Variants in NXPE2 observed in about 807,000 individuals in gnomAD.
NXPE2 encodes neurexophilin and PC-esterase domain family member 2, also known as NXPE family member 2.
Under a neutral mutation model 34.4 loss-of-function variants are expected in NXPE2, and 34 were observed. The ratio of observed to expected loss-of-function variants is 0.99; its 90% confidence interval spans 0.75 to 1.31. The LOEUF is 1.31. NXPE2 is among the 40% of genes most tolerant of loss of function. The pLI, the probability that NXPE2 is intolerant of heterozygous loss-of-function variation, is 0.00. For synonymous variants in NXPE2, 235 were observed against 231.3 expected (o/e 1.02, Z -0.15); for missense variants, 649 against 672.5 (o/e 0.97, Z 0.39).
the NXPE2 span, among the ~76,000 whole-genome samples, chr11:114,601,813 AATT>A: frequency 1.4e-5 from 1 of 73,396 alleles, no homozygotes; most frequent in Non-Finnish European, 2.3e-5. Flanking sequence ...TATATTATAT[AATT>A]ATATATAATA....
At chr11:114,523,022 T>C in the NXPE2 span, 1 of 1,613,612 alleles carries the variant, frequency 6.2e-7, no homozygotes, top group South Asian at 1.1e-5. Flanking sequence ...CCATTTTCCT[T>C]GTAAAGTATA....
the NXPE2 span, among the ~76,000 whole-genome samples, chr11:114,673,519 C>A: frequency 6.6e-6 from 1 of 151,434 alleles, no homozygotes; most frequent in Non-Finnish European, 1.5e-5. Flanking sequence ...ACAGAAAAAT[C>A]ATTGAAACCA....
chr11:114,600,642 T>A, the NXPE2 span, among the ~76,000 whole-genome samples: 1 of 152,072 alleles, frequency 6.6e-6, no homozygotes, highest in Admixed American at 6.6e-5. Flanking sequence ...ACATGATGAC[T>A]AAATGCAATT....
chr11:114,779,104 T>C, the NXPE2 span, among the ~76,000 whole-genome samples: 1 of 152,250 alleles, frequency 6.6e-6, no homozygotes, highest in Non-Finnish European at 1.5e-5. Flanking sequence ...TTAAGTTACA[T>C]GGCAATTTCC....
the NXPE2 span, among the ~76,000 whole-genome samples, chr11:114,643,006 T>C: frequency 2.5e-3 from 377 of 152,304 alleles, 1 homozygote; most frequent in African/African-American, 8.3e-3. Flanking sequence ...ATTTCTCTAA[T>C]GACCAGTGAT....
At chr11:114,605,426 G>T in the NXPE2 span, among the ~76,000 whole-genome samples, 2 of 151,514 alleles carry the variant, frequency 1.3e-5, no homozygotes, top group African/African-American at 4.9e-5. Flanking sequence ...GTATTGCCTC[G>T]TGCGTAACCA....
the NXPE2 span, chr11:114,530,757 A>G: frequency 6.2e-7 from 1 of 1,614,116 alleles, no homozygotes; most frequent in East Asian, 2.2e-5. Context: ...TCTGGGTGGG[A>G]TCTGCTGATC....
upstream of NXPE2, among the ~76,000 whole-genome samples, chr11:114,674,118 C>T (rs1288565079): frequency 1.0e-5 from 1 of 100,312 alleles, no homozygotes; most frequent in African/African-American, 3.3e-5. Flanking sequence ...AACAAACAAA[C>T]AAACAAACAA....
the NXPE2 span, among the ~76,000 whole-genome samples, chr11:114,607,984 C>T: frequency 7.3e-5 from 11 of 151,562 alleles, no homozygotes; most frequent in Non-Finnish European, 1.5e-4. Context: ...TCGTGAGTCA[C>T]CGCTGCTACC....
the NXPE2 span, among the ~76,000 whole-genome samples, chr11:114,539,076 C>T: frequency 1.3e-5 from 2 of 152,142 alleles, no homozygotes; most frequent in South Asian, 4.1e-4. Flanking sequence ...AAATGTGGCA[C>T]ATATACACAT....
At chr11:114,508,903 T>C in the NXPE2 span, among the ~76,000 whole-genome samples, 1 of 152,090 alleles carries the variant, frequency 6.6e-6, no homozygotes, top group Non-Finnish European at 1.5e-5. Flanking sequence ...AAATGGGATC[T>C]AACTAAACTA....
the NXPE2 span, among the ~76,000 whole-genome samples, chr11:114,635,836 G>A: frequency 3.9e-5 from 6 of 152,010 alleles, no homozygotes; most frequent in Non-Finnish European, 5.9e-5. Flanking sequence ...TGGTGGATAA[G>A]CTTTTTGATG....
At chr11:114,796,561 T>C in the NXPE2 span, among the ~76,000 whole-genome samples, 26 of 152,312 alleles carry the variant, frequency 1.7e-4, no homozygotes, top group South Asian at 5.4e-3. Flanking sequence ...GTCCAATATG[T>C]AATAATAGTA....
chr11:114,734,434 C>G, the NXPE2 span, among the ~76,000 whole-genome samples: 1 of 152,068 alleles, frequency 6.6e-6, no homozygotes, highest in African/African-American at 2.4e-5. Context: ...TGTGTGAGCA[C>G]AGTGCTTTTT....
chr11:114,666,337 A>G, the NXPE2 span, among the ~76,000 whole-genome samples: 2 of 152,138 alleles, frequency 1.3e-5, no homozygotes, highest in South Asian at 4.1e-4. Flanking sequence ...TTTAAAGTAA[A>G]GTAAAAGTCC....
At chr11:114,742,524 G>A in the NXPE2 span, among the ~76,000 whole-genome samples, 1 of 152,110 alleles carries the variant, frequency 6.6e-6, no homozygotes, top group African/African-American at 2.4e-5. Flanking sequence ...GAGACCTAAC[G>A]GGGTCTCTTT....
At chr11:114,677,341 T>A (rs1411711072), upstream of NXPE2, among the ~76,000 whole-genome samples, 1 of 152,106 alleles carries the variant, frequency 6.6e-6, no homozygotes, top group Non-Finnish European at 1.5e-5. Flanking sequence ...ATTGTAGTAA[T>A]CACTTCACAA....
chr11:114,727,461 C>T, the NXPE2 span, among the ~76,000 whole-genome samples: 3,763 of 152,076 alleles, frequency 0.025, 156 homozygotes, highest in African/African-American at 0.085. Flanking sequence ...ATTAGGACTT[C>T]AAGAAATGAA....
At chr11:114,810,321 A>G in the NXPE2 span, among the ~76,000 whole-genome samples, 3 of 150,030 alleles carry the variant, frequency 2.0e-5, no homozygotes, top group African/African-American at 7.4e-5. Context: ...CAATGGCAAC[A>G]AAAGCCAAAA....
Sources: gnomAD v4.1 joint callset for allele counts (sites outside exome capture counted in the v4.1 genomes callset) on GRCh38, gnomAD v4.1.1 for gene constraint, MANE v1.5 for transcripts, NCBI Gene and HGNC (gene_info 2026-07-23, HGNC 2026-07-21) for gene names.